The following TMEM178A variants were observed in gnomAD, a reference collection of about 807,000 sequenced individuals.
TMEM178A encodes the protein transmembrane protein 178A, also known as transmembrane protein 178.
A neutral mutation model predicts 29.1 loss-of-function variants in TMEM178A; 12 were observed. That is an observed-to-expected ratio of 0.41 (90% CI 0.26 to 0.67). The LOEUF (loss-of-function observed/expected upper bound fraction) is 0.67, where lower values mean the gene tolerates loss of function less well. Ranked by LOEUF, TMEM178A falls within the 30% of genes least tolerant of loss-of-function variation. The pLI is 0.29. For synonymous variants in TMEM178A, 210 were observed against 187.2 expected (o/e 1.12, Z -0.99); for missense variants, 366 against 419.1 (o/e 0.87, Z 1.11).
chr2:39,682,307 T>C (rs1670901734), intron 1 of TMEM178A, among the ~76,000 whole-genome samples: 1 of 152,170 alleles, frequency 6.6e-6, no homozygotes, highest in African/African-American at 2.4e-5. Flanking sequence ...TATGATGTAA[T>C]GCCTAGGTTC....
In TMEM178A at chr2:39,666,351, A is replaced by G; in HGVS notation, c.377A>G (p.Asp126Gly). Residue 126 changes from aspartate (D) to glycine (G), a missense_variant, in exon 1 of 4, where the codon GAC (aspartate) becomes GGC (glycine). This residue lies in a region of TMEM178A where 247 missense variants were observed against 246.8 expected (regional missense o/e 1.00). Transcript: ENST00000281961. Reference protein sequence around the residue: ...RKCYFLGIDRDIDTLILKGIA... With the variant: ...RKCYFLGIDRGIDTLILKGIA... ...TGCTACTTCCTGGGCATCGACCGGG[A>G]CATCGACACCCTCATCCTGAAAGGT... The G allele has an allele frequency of 6.9e-7, 1 of 1,440,878 alleles. No homozygotes were observed. The highest frequency in any genetic ancestry group is 9.1e-7 in the Non-Finnish European group (1 of 1,095,662). The allele number at this position is 1,440,878 out of a possible 1,614,324, so 89.3% of individuals were successfully genotyped here. A position where few individuals can be genotyped will look rare whatever the true frequency, so the allele number is the denominator to read the frequency against.
At chr2:39,719,626 C>T (rs1181363565), downstream of TMEM178A, among the ~76,000 whole-genome samples, 1 of 152,216 alleles carries the variant, frequency 6.6e-6, no homozygotes, top group East Asian at 1.9e-4. Context: ...TCTTAACTGG[C>T]TTGTGAATGA....
chr2:39,686,415 G>GT (rs200732849), intron 1 of TMEM178A, among the ~76,000 whole-genome samples: 3,489 of 149,986 alleles, frequency 0.023, 94 homozygotes, highest in African/African-American at 0.059. Flanking sequence ...CTTAAATTAG[G>GT]TTTTTTTTTT....
chr2:39,726,670 C>G, the TMEM178A span, among the ~76,000 whole-genome samples: 1 of 152,038 alleles, frequency 6.6e-6, no homozygotes, highest in African/African-American at 2.4e-5. Flanking sequence ...GTCTATCTGG[C>G]AAAATATATG....
chr2:39,717,055 C>G lies in TMEM178A; in HGVS notation c.698C>G (p.Ser233Trp), dbSNP rs776786440. Reference protein sequence around the residue: ...ISLCTYAASISYDLNRLPKLI... With the variant: ...ISLCTYAASIWYDLNRLPKLI... ...CTCTGTACTTATGCCGCCAGTATCT[C>G]GTATGATTTGAACCGGCTCCCAAAG... is the stretch of plus-strand genomic sequence containing the variant. Residue 233 changes from serine (S) to tryptophan (W), a missense_variant, in exon 4 of 4, where the codon TCG (serine) becomes TGG (tryptophan). Physicochemically the swap from Ser to Trp is radical, Grantham distance 177. Coordinates refer to ENST00000281961, the MANE Select transcript of TMEM178A (RefSeq NM_152390.3). 3 of 1,610,564 alleles carry G rather than the reference C, an allele frequency of 1.9e-6. No homozygotes were observed. Among genetic ancestry groups the G allele is most frequent in the East Asian group, 4.5e-5 (2 of 44,832 alleles).
chr2:39,700,705 A>G (rs1671743156), intron 1 of TMEM178A, among the ~76,000 whole-genome samples: 1 of 151,078 alleles, frequency 6.6e-6, no homozygotes, highest in African/African-American at 2.4e-5. Flanking sequence ...CCATTTTTCT[A>G]TTTGCTTTCT....
chr2:39,729,850 G>A, the TMEM178A span, among the ~76,000 whole-genome samples: 1 of 152,156 alleles, frequency 6.6e-6, no homozygotes, highest in Non-Finnish European at 1.5e-5. Flanking sequence ...ATCCTATACA[G>A]GTCTTCAGAG....
chr2:39,679,303 T>C (rs191151514), intron 1 of TMEM178A, among the ~76,000 whole-genome samples: 1 of 152,294 alleles, frequency 6.6e-6, no homozygotes, highest in African/African-American at 2.4e-5. Flanking sequence ...GTTGTTGTTG[T>C]TCAATTCAAG....
chr2:39,688,831 G>A (rs1366611452), intron 1 of TMEM178A, among the ~76,000 whole-genome samples: 1 of 152,166 alleles, frequency 6.6e-6, no homozygotes, highest in Non-Finnish European at 1.5e-5. Flanking sequence ...TCTCTTTGTA[G>A]ATCCTGAAGT....
the TMEM178A span, among the ~76,000 whole-genome samples, chr2:39,724,553 A>G: frequency 6.6e-6 from 1 of 152,308 alleles, no homozygotes; most frequent in South Asian, 2.1e-4. Flanking sequence ...GTGGAGTCAA[A>G]ACAAGGAAAC....
chr2:39,707,822 T>C (rs1407456864), intron 3 of TMEM178A, among the ~76,000 whole-genome samples: 1 of 152,192 alleles, frequency 6.6e-6, no homozygotes, highest in Non-Finnish European at 1.5e-5. Context: ...TTGGCAAACA[T>C]GGACCATTGC....
chr2:39,673,104 A>G (rs868256316), intron 1 of TMEM178A, among the ~76,000 whole-genome samples: 10 of 152,342 alleles, frequency 6.6e-5, no homozygotes, highest in Middle Eastern at 3.4e-3. Flanking sequence ...TCAGATTATA[A>G]TCACAGATTA....
chr2:39,677,736 G>A (rs1057404221), intron 1 of TMEM178A, among the ~76,000 whole-genome samples: 1 of 151,722 alleles, frequency 6.6e-6, no homozygotes, highest in African/African-American at 2.4e-5. Flanking sequence ...CCTGTGCTAG[G>A]CTCCTCTTGG....
chr2:39,685,360 G>C (rs1671031431), intron 1 of TMEM178A, among the ~76,000 whole-genome samples: 1 of 152,178 alleles, frequency 6.6e-6, no homozygotes, highest in Non-Finnish European at 1.5e-5. Flanking sequence ...CCCTCTTCCT[G>C]TTATGGCTCA....
intron 1 of TMEM178A, among the ~76,000 whole-genome samples, chr2:39,686,214 T>C (rs1326923000): frequency 6.6e-6 from 1 of 152,170 alleles, no homozygotes; most frequent in Non-Finnish European, 1.5e-5. Flanking sequence ...AGAGGTGGGC[T>C]TTCTACTCCT....
At chr2:39,711,504 C>T (rs528201362) in intron 3 of TMEM178A, among the ~76,000 whole-genome samples, 1 of 152,110 alleles carries the variant, frequency 6.6e-6, no homozygotes, top group Non-Finnish European at 1.5e-5. Context: ...GAGTGGCCAA[C>T]TGGAAGATCA....
intron 1 of TMEM178A, among the ~76,000 whole-genome samples, chr2:39,688,954 G>A (rs1365336244): frequency 6.6e-6 from 1 of 152,108 alleles, no homozygotes; most frequent in Non-Finnish European, 1.5e-5. Flanking sequence ...ATTGTTCACG[G>A]TATCAAATAT....
chr2:39,666,402 C>T (rs1406828999), intron 1 of TMEM178A, 28 bp downstream of exon 1: 4 of 1,311,122 alleles, frequency 3.1e-6, no homozygotes, highest in Non-Finnish European at 3.9e-6. Context: ...CCCGCGTCCC[C>T]GGCGCCCGCG....
downstream of TMEM178A, among the ~76,000 whole-genome samples, chr2:39,720,513 C>T (rs2148124375): frequency 6.6e-6 from 1 of 152,354 alleles, no homozygotes; most frequent in Non-Finnish European, 1.5e-5. Context: ...GTCTCAGCTT[C>T]TACACAACAC....
Sources: gnomAD v4.1 joint callset for allele counts (sites outside exome capture counted in the v4.1 genomes callset) on GRCh38, gnomAD v4.1.1 for gene constraint, gnomAD v4.1.1 regional missense constraint, MANE v1.5 for transcripts, NCBI Gene and HGNC (gene_info 2026-07-23, HGNC 2026-07-21) for gene names.